The following CTNNA3 variants were observed in gnomAD, a reference collection of about 807,000 sequenced individuals.
The protein encoded by CTNNA3 is catenin alpha 3.
In CTNNA3, 76 loss-of-function variants were observed where a neutral mutation model predicts 95.7. The ratio of observed to expected loss-of-function variants is 0.79; its 90% CI spans 0.66 to 0.96. The LOEUF is 0.96. Among genes scored for constraint, CTNNA3 ranks in the 40% least tolerant of loss-of-function variants. CTNNA3 has a pLI of 0.00. For synonymous variants in CTNNA3, 431 were observed against 374.4 expected (o/e 1.15, Z -1.74); for missense variants, 1,191 against 1,089.8 (o/e 1.09, Z -1.31).
intron 7 of CTNNA3, among the ~76,000 whole-genome samples, chr10:67,002,990 A>T (rs1292745987): frequency 6.6e-6 from 1 of 152,180 alleles, no homozygotes; most frequent in Non-Finnish European, 1.5e-5. Context: ...TACATTCATC[A>T]GATGCAGTAT....
Position 67,022,649 on chromosome 10 carries a change from C to T in CTNNA3, c.1047+157668G>A, listed in dbSNP as rs549140044. Among the ~76,000 whole-genome samples the T allele has an allele frequency of 1.2e-4, 19 of 152,078 alleles. 1 individual carries two copies. The East Asian group carries it at 3.7e-3, about 29-fold the overall frequency. On this transcript the variant is annotated intron_variant, in intron 7 of 17. Coordinates refer to ENST00000433211, the MANE Select transcript of CTNNA3 (RefSeq NM_013266.4). ...CAAATGATGAAAAATTTTAAATATA[C>T]ACTGAAGGCCGGGCACGGTGGTTCA...
At chr10:66,810,181 T>A (rs1260823399) in intron 7 of CTNNA3, among the ~76,000 whole-genome samples, 1 of 152,220 alleles carries the variant, frequency 6.6e-6, no homozygotes, top group Non-Finnish European at 1.5e-5. Context: ...ATTGATACAT[T>A]ATTAATTGTG....
At chr10:66,534,892 A>AT (rs920349996) in intron 10 of CTNNA3, among the ~76,000 whole-genome samples, 3 of 151,982 alleles carry the variant, frequency 2.0e-5, no homozygotes, top group African/African-American at 4.8e-5. Flanking sequence ...AAATGGAAAA[A>AT]AAAGCATGTT....
At chr10:66,740,411 C>T (rs755772585) in intron 9 of CTNNA3, among the ~76,000 whole-genome samples, 65 of 152,320 alleles carry the variant, frequency 4.3e-4, no homozygotes, top group Non-Finnish European at 8.5e-4. Context: ...ACTCCACAGA[C>T]AGACATTTTC....
chr10:67,098,002 G>C, intron 7 of CTNNA3: 1 of 568,712 alleles, frequency 1.8e-6, no homozygotes, highest in East Asian at 2.9e-5. Context: ...AAGTTGTGCA[G>C]TATTTTTTGA....
intron 9 of CTNNA3, among the ~76,000 whole-genome samples, chr10:66,696,606 T>G (rs1847774117): frequency 6.6e-6 from 1 of 152,116 alleles, no homozygotes; most frequent in Non-Finnish European, 1.5e-5. Context: ...TATTGCTAAT[T>G]CCAGTTGAAA....
At chr10:66,105,031 A>G (rs924872427) in intron 13 of CTNNA3, among the ~76,000 whole-genome samples, 2 of 152,168 alleles carry the variant, frequency 1.3e-5, no homozygotes, top group African/African-American at 4.8e-5. Context: ...ACACACTTGC[A>G]CTGAGCAATA....
rs567056644 is a variant in CTNNA3, at chr10:66,010,561, T to C, written c.2160-21764A>G. Among the ~76,000 whole-genome samples, 6 of 152,314 alleles carry C rather than the reference T, an allele frequency of 3.9e-5. No individual in the cohort carries two copies. In the East Asian group the frequency reaches 1.2e-3, roughly 29 times the overall value. ...TTTTAGAAACATGGAAAATAATAGC[T>C]GAAGGGCTGGGAATTGTAGGTTCTA... On this transcript the variant is annotated intron_variant, in intron 15 of 17. Coordinates refer to ENST00000433211, the MANE Select transcript of CTNNA3 (RefSeq NM_013266.4).
chr10:67,457,804 C>T (rs1050845805), intron 5 of CTNNA3, among the ~76,000 whole-genome samples: 5 of 152,144 alleles, frequency 3.3e-5, no homozygotes, highest in Non-Finnish European at 5.9e-5. Flanking sequence ...CCAAGTCCTT[C>T]TCATGCTGCC....
At chr10:66,234,566 T>A (rs2089758624) in intron 13 of CTNNA3, among the ~76,000 whole-genome samples, 1 of 152,228 alleles carries the variant, frequency 6.6e-6, no homozygotes, top group African/African-American at 2.4e-5. Context: ...GATCTAATTT[T>A]TATAAAATTG....
chr10:67,115,010 C>A (rs566080162), intron 7 of CTNNA3, among the ~76,000 whole-genome samples: 88 of 152,078 alleles, frequency 5.8e-4, no homozygotes, highest in Non-Finnish European at 1.1e-3. Flanking sequence ...TATAGCATGT[C>A]TTGTCGTATG....
At chr10:67,733,096 T>C (rs901879412) in intron 1 of CTNNA3, among the ~76,000 whole-genome samples, 1 of 152,202 alleles carries the variant, frequency 6.6e-6, no homozygotes, top group Non-Finnish European at 1.5e-5. Context: ...ATTTTATCTA[T>C]GTCAAATAAG....
At chr10:66,672,357 T>C (rs1846693746) in intron 9 of CTNNA3, among the ~76,000 whole-genome samples, 2 of 152,108 alleles carry the variant, frequency 1.3e-5, no homozygotes, top group South Asian at 4.1e-4. Flanking sequence ...TTCACAGTCT[T>C]GCAAACAAAC....
intron 12 of CTNNA3, among the ~76,000 whole-genome samples, chr10:66,372,422 A>G (rs548533582): frequency 5.1e-4 from 78 of 152,282 alleles, no homozygotes; most frequent in Admixed American, 1.4e-3. Flanking sequence ...CTAGAGTTAC[A>G]GAAGATACAA....
chr10:66,048,945 T>G (rs536283772), intron 15 of CTNNA3, among the ~76,000 whole-genome samples: 1 of 150,340 alleles, frequency 6.7e-6, no homozygotes, highest in Non-Finnish European at 1.5e-5. Flanking sequence ...AAGTGGGAAC[T>G]AATTAAAATT....
At chr10:66,982,394 A>T (rs1463506296) in intron 7 of CTNNA3, among the ~76,000 whole-genome samples, 1 of 152,190 alleles carries the variant, frequency 6.6e-6, no homozygotes, top group African/African-American at 2.4e-5. Context: ...TAACTTCTCT[A>T]AATCTCAGTT....
chr10:67,174,887 C>A (rs1862166651), intron 7 of CTNNA3, among the ~76,000 whole-genome samples: 1 of 151,992 alleles, frequency 6.6e-6, no homozygotes, highest in Admixed American at 6.6e-5. Flanking sequence ...ATATAGGATA[C>A]TATTTATTTC....
intron 10 of CTNNA3, among the ~76,000 whole-genome samples, chr10:66,574,227 G>T (rs1842943784): frequency 6.6e-6 from 1 of 151,932 alleles, no homozygotes; most frequent in Non-Finnish European, 1.5e-5. Flanking sequence ...TGCAGTGGAG[G>T]CAGGGAAGAA....
At chr10:66,126,020 G>A (rs1156367947) in intron 13 of CTNNA3, among the ~76,000 whole-genome samples, 1 of 152,126 alleles carries the variant, frequency 6.6e-6, no homozygotes, top group Non-Finnish European at 1.5e-5. Flanking sequence ...AGGAGGGCTA[G>A]GATCCTAGGA....
Sources: gnomAD v4.1 joint callset for allele counts (sites outside exome capture counted in the v4.1 genomes callset) on GRCh38, gnomAD v4.1.1 for gene constraint, MANE v1.5 for transcripts, NCBI Gene and HGNC (gene_info 2026-07-23, HGNC 2026-07-21) for gene names.